BCLAF3: variants seen among roughly 807,000 people sequenced by gnomAD.
BCLAF3 encodes transient octamer binding factor 1.
A neutral mutation model predicts 51.2 loss-of-function variants in BCLAF3; 24 were observed. The ratio of observed to expected loss-of-function variants is 0.47; its 90% CI spans 0.34 to 0.66. BCLAF3 has a LOEUF of 0.66. Ranked by LOEUF, BCLAF3 falls within the 30% of genes least tolerant of loss-of-function variation. BCLAF3 has a pLI of 0.01. For missense variants in BCLAF3, 465 were observed against 525.1 expected (o/e 0.89, Z 1.12); for synonymous variants, 152 against 176.6 (o/e 0.86, Z 1.10).
chrX:19,945,045 C>A, intron 8 of BCLAF3, among the ~76,000 whole-genome samples: 1 of 107,760 alleles, frequency 9.3e-6, no homozygotes, highest in Non-Finnish European at 1.9e-5. Context: ...TTGCTGATAC[C>A]CTTTCTTCCA....
intron 10 of BCLAF3, among the ~76,000 whole-genome samples, chrX:19,933,767 C>A (rs1467359668): frequency 9.0e-6 from 1 of 111,318 alleles, no homozygotes; most frequent in Non-Finnish European, 1.9e-5. Flanking sequence ...CAAAATATTT[C>A]CTTTTTTTTT....
chrX:19,912,932 C>G lies in BCLAF3; in HGVS notation c.*4373G>C, dbSNP rs994266726. On this transcript the variant is annotated 3_prime_UTR_variant, in exon 12 of 12. Transcript: ENST00000379682. ...TATATTTGATAGATACAGAAGAGTA[C>G]AGTCACTCATAATCCCACCATTTAA... 1 of 111,585 alleles carries G rather than the reference C, an allele frequency of 9.0e-6. No individual in the cohort carries two copies. The highest frequency in any genetic ancestry group is 1.9e-5 in the Non-Finnish European group (1 of 53,140). The allele number at this position is 111,585 out of a possible 1,213,427, so 9.2% of individuals were successfully genotyped here.
At chrX:19,945,649 G>A (rs1330551719) in intron 8 of BCLAF3, among the ~76,000 whole-genome samples, 1 of 76,043 alleles carries the variant, frequency 1.3e-5, no homozygotes, top group Non-Finnish European at 2.2e-5. Flanking sequence ...CTCCAGCTGC[G>A]TGCTGGGAGA....
At position 19,916,624 on chromosome X, in the gene BCLAF3, C is replaced by T. The variant is rs1016305332; in HGVS notation, c.*681G>A. The T allele has an allele frequency of 6.2e-5, 7 of 112,407 alleles. No individual in the cohort carries two copies. The highest frequency in any genetic ancestry group is 1.1e-4 in the Non-Finnish European group (6 of 53,198). 9.3% of individuals were successfully genotyped at this position (112,407 alleles called of 1,213,427 possible). A position where few individuals can be genotyped will look rare whatever the true frequency, so the allele number is the denominator to read the frequency against. ...TAAGATGGACTATAGATTACAAAAT[C>T]TTTACATATTTTCCACAATAGCATT... On this transcript the variant is annotated 3_prime_UTR_variant, in exon 12 of 12. Transcript: ENST00000379682.
At chrX:19,923,812 T>C (rs952669829) in intron 11 of BCLAF3, among the ~76,000 whole-genome samples, 12 of 109,808 alleles carry the variant, frequency 1.1e-4, no homozygotes, top group African/African-American at 3.7e-4. Flanking sequence ...TGCTGTAGCA[T>C]GTTTCAATGC....
At chrX:19,947,031 G>A (rs757902507) in intron 8 of BCLAF3, among the ~76,000 whole-genome samples, 25 of 111,998 alleles carry the variant, frequency 2.2e-4, no homozygotes, top group African/African-American at 7.8e-4. Context: ...GAAGACAAAG[G>A]TTTGTATATA....
intron 11 of BCLAF3, among the ~76,000 whole-genome samples, chrX:19,923,773 C>G (rs971163799): frequency 1.8e-5 from 2 of 110,998 alleles, no homozygotes. Context: ...GCTTCTGTCA[C>G]TTAGCATCAT....
At chrX:19,925,715 G>T (rs991888370) in intron 11 of BCLAF3, among the ~76,000 whole-genome samples, 5 of 111,850 alleles carry the variant, frequency 4.5e-5, no homozygotes, top group Non-Finnish European at 5.6e-5. Flanking sequence ...GAAACGGAAA[G>T]CAACACTGGA....
At chrX:19,957,527 G>C (rs1249285277) in intron 4 of BCLAF3, among the ~76,000 whole-genome samples, 1 of 111,923 alleles carries the variant, frequency 8.9e-6, no homozygotes, top group Non-Finnish European at 1.9e-5. Context: ...TTTATCCCAA[G>C]AGGAAATAAG....
chrX:19,936,507 A>G (rs1334021677), intron 9 of BCLAF3, among the ~76,000 whole-genome samples: 1 of 111,949 alleles, frequency 8.9e-6, no homozygotes, highest in South Asian at 3.7e-4. Flanking sequence ...ACCTTCTATT[A>G]TTTCCACTTT....
At chrX:19,972,942 T>C (rs2072303714) in intron 1 of BCLAF3, among the ~76,000 whole-genome samples, 1 of 112,412 alleles carries the variant, frequency 8.9e-6, no homozygotes, top group Non-Finnish European at 1.9e-5. Flanking sequence ...TTACGAACAT[T>C]TGTGTACAAG....
chrX:19,935,735 T>G, intron 10 of BCLAF3, 74 bp downstream of exon 10: 1 of 832,912 alleles, frequency 1.2e-6, no homozygotes, highest in Non-Finnish European at 1.8e-6. Context: ...AGCTCTTGAT[T>G]TACTAACACT....
chrX:19,938,163 C>A (rs1044110192), intron 8 of BCLAF3, among the ~76,000 whole-genome samples: 6 of 111,317 alleles, frequency 5.4e-5, no homozygotes, highest in African/African-American at 2.0e-4. Context: ...TCCAAAGCCT[C>A]ATTTCCACAG....
chrX:19,927,804 G>T (rs1473410115), intron 11 of BCLAF3, among the ~76,000 whole-genome samples: 1 of 108,183 alleles, frequency 9.2e-6, no homozygotes. Flanking sequence ...ACTATGCCCA[G>T]CAATTCTCAT....
At chrX:19,920,275 T>C (rs920198226) in intron 11 of BCLAF3, among the ~76,000 whole-genome samples, 3 of 112,036 alleles carry the variant, frequency 2.7e-5, no homozygotes, top group Non-Finnish European at 3.8e-5. Flanking sequence ...TCCTCTGGAC[T>C]TCGCCCTATA....
intron 4 of BCLAF3, among the ~76,000 whole-genome samples, chrX:19,961,054 T>G (rs934829486): frequency 4.5e-5 from 5 of 111,244 alleles, no homozygotes; most frequent in Admixed American, 2.9e-4. Context: ...ACCTCCTCCC[T>G]CCTCCTCTTC....
chrX:19,979,524 A>G (rs1266197451), intron 1 of BCLAF3, among the ~76,000 whole-genome samples: 1 of 111,501 alleles, frequency 9.0e-6, no homozygotes, highest in East Asian at 2.8e-4. Flanking sequence ...GGAAACAAAA[A>G]AATTGTGTGA....
At chrX:19,930,295 C>T in intron 10 of BCLAF3, 1 of 127,563 alleles carries the variant, frequency 7.8e-6, no homozygotes. Context: ...AAAAGAGTGC[C>T]ACTGCGCTCC....
At chrX:19,975,430 A>C (rs2072395556) in intron 1 of BCLAF3, among the ~76,000 whole-genome samples, 1 of 100,732 alleles carries the variant, frequency 9.9e-6, no homozygotes, top group African/African-American at 3.7e-5. Flanking sequence ...TGCAACCTCC[A>C]CCTCCCGGGT....
Sources: allele counts gnomAD v4.1 joint callset (sites outside exome capture counted in the v4.1 genomes callset), GRCh38; gene constraint gnomAD v4.1.1; transcripts MANE v1.5; gene names NCBI Gene and HGNC (gene_info 2026-07-23, HGNC 2026-07-21).